SCARB1: variants seen among roughly 807,000 people sequenced by gnomAD.
SCARB1 encodes scavenger receptor class B member 1, also known as CD36 and LIMPII analogous 1.
A neutral mutation model predicts 57.2 loss-of-function variants in SCARB1; 30 were observed. The ratio of observed to expected loss-of-function variants is 0.52; its 90% CI spans 0.39 to 0.71. The LOEUF (loss-of-function observed/expected upper bound fraction) is 0.71. Ranked by LOEUF, SCARB1 falls within the 30% of genes least tolerant of loss-of-function variation. The pLI, the probability that SCARB1 is intolerant of heterozygous loss-of-function variation, is 0.00. For missense variants in SCARB1, 543 were observed against 671.2 expected (o/e 0.81, Z 2.11); for synonymous variants, 249 against 268.3 (o/e 0.93, Z 0.70).
In SCARB1 at chr12:124,807,385, GAGCCAAGAAACACAGAGGGGCCTCTGGA is replaced by G. The variant is rs1950358344; in HGVS notation, c.1009+348_1009+375del. Among the ~76,000 whole-genome samples the G allele has an allele frequency of 6.6e-6, 1 of 152,086 alleles. No homozygotes were observed. Among genetic ancestry groups the G allele is most frequent in the South Asian group, 2.1e-4 (1 of 4,820 alleles). The stretch of plus-strand genomic sequence containing the variant: ...CCTCAAAGGTGGAGGAAGGGCCCGG[GAGCCAAGAAACACAGAGGGGCCTCTGGA>G]AGCCAGAAAAGGCAGACGCAGCTTC... On this transcript the variant is annotated intron_variant, in intron 7 of 12. Transcript: ENST00000261693. This position sits in a 1 kb window ranked among gnomAD's most constrained non-coding sequence, Gnocchi z 5.3.
intron 8 of SCARB1, among the ~76,000 whole-genome samples, chr12:124,798,792 C>T (rs1305745307): frequency 6.6e-6 from 1 of 150,520 alleles, no homozygotes; most frequent in Non-Finnish European, 1.5e-5. Context: ...TGCAGTGAGC[C>T]GAGATCGTGC....
intron 2 of SCARB1, among the ~76,000 whole-genome samples, 198 bp from the exon 3 acceptor site, chr12:124,815,312 C>T (rs1459633942): frequency 6.6e-6 from 1 of 152,204 alleles, no homozygotes; most frequent in Non-Finnish European, 1.5e-5. Flanking sequence ...CATGGTGTCG[C>T]CGCCCACCCG....
chr12:124,857,337 T>A (rs1488287827), intron 1 of SCARB1, among the ~76,000 whole-genome samples: 1 of 152,104 alleles, frequency 6.6e-6, no homozygotes, highest in Non-Finnish European at 1.5e-5. Context: ...CCACAACGAG[T>A]GCCCATTGAC....
chr12:124,782,856 TAAAA>T (rs1949368779), intron 11 of SCARB1, 45 bp from the exon 12 acceptor site: 2 of 1,610,246 alleles, frequency 1.2e-6, no homozygotes, highest in African/African-American at 2.7e-5. Context: ...TGAAGCCACA[TAAAA>T]ATGGTTTTAC....
intron 1 of SCARB1, among the ~76,000 whole-genome samples, chr12:124,819,920 C>G (rs538267388): frequency 6.6e-6 from 1 of 152,354 alleles, no homozygotes; most frequent in African/African-American, 2.4e-5. Context: ...GACACTGTAG[C>G]TACAACTGTG....
intron 1 of SCARB1, among the ~76,000 whole-genome samples, chr12:124,863,113 G>T (rs1952968971): frequency 6.6e-6 from 1 of 152,210 alleles, no homozygotes; most frequent in African/African-American, 2.4e-5. Flanking sequence ...GGGCACCCAC[G>T]TGGGTCTCAC....
At chr12:124,781,682 G>A (rs1008784555) in intron 12 of SCARB1, among the ~76,000 whole-genome samples, 19 of 152,250 alleles carry the variant, frequency 1.2e-4, no homozygotes, top group African/African-American at 3.6e-4. Flanking sequence ...GGATACGTGC[G>A]TCCTATCATT....
At chr12:124,846,912 A>C (rs1404279259) in intron 1 of SCARB1, among the ~76,000 whole-genome samples, 1 of 152,072 alleles carries the variant, frequency 6.6e-6, no homozygotes, top group East Asian at 1.9e-4. Context: ...ACCAAACAAA[A>C]ATACTGAGAG....
chr12:124,804,593 AAAG>A (rs1470181868), intron 7 of SCARB1, among the ~76,000 whole-genome samples: 2 of 152,218 alleles, frequency 1.3e-5, no homozygotes, highest in Admixed American at 1.3e-4. Flanking sequence ...CGATACCAGC[AAAG>A]AATGAAGCAA....
intron 12 of SCARB1, 92 bp from the exon 13 acceptor site, chr12:124,778,678 C>G (rs1376520172): frequency 4.0e-6 from 5 of 1,234,958 alleles, no homozygotes; most frequent in Admixed American, 4.2e-5. Flanking sequence ...ACCCACATCC[C>G]CAGCAGAGAC....
At position 124,796,995 on chromosome 12, in the gene SCARB1, G is replaced by A. The variant is rs959891553; in HGVS notation, c.1129-1727C>T. Reference sequence around the variant, plus strand: ...GTACAAACAATATGGTTCTTGCTCAGCACCTGCTTTCCTTCCCAGAGCCTA... The same window carrying A: ...GTACAAACAATATGGTTCTTGCTCAACACCTGCTTTCCTTCCCAGAGCCTA... On this transcript the variant is annotated intron_variant, in intron 8 of 12. Transcript: ENST00000261693. The surrounding 1 kb of genome is among the most constrained non-coding windows in gnomAD (Gnocchi z 4.0). Among the ~76,000 whole-genome samples, 50 of 152,192 alleles carry A rather than the reference G, an allele frequency of 3.3e-4. No individual in the cohort carries two copies. Among genetic ancestry groups the A allele is most frequent in the African/African-American group, 1.2e-3 (49 of 41,456 alleles).
chr12:124,800,327 G>A lies in SCARB1; in HGVS notation c.1010-85C>T, dbSNP rs1427654256. 1 of 985,166 alleles carries A rather than the reference G, an allele frequency of 1.0e-6. No homozygotes were observed. Among genetic ancestry groups the A allele is most frequent in the Non-Finnish European group, 1.6e-6 (1 of 624,334 alleles). The allele number at this position is 985,166 out of a possible 1,614,324, so 61.0% of individuals were successfully genotyped here. On this transcript the variant is annotated intron_variant, in intron 7 of 12. Transcript: ENST00000261693. This position sits in a 1 kb window ranked among gnomAD's most constrained non-coding sequence, Gnocchi z 4.8. ...GGCCGGAGGTCTGCACAGAGCTGTG[G>A]TCTGCAGGGCACCCCCGTGGCGATG...
At chr12:124,832,272 C>T (rs1314224708) in intron 1 of SCARB1, among the ~76,000 whole-genome samples, 1 of 152,188 alleles carries the variant, frequency 6.6e-6, no homozygotes, top group African/African-American at 2.4e-5. Context: ...GGAATCCTAG[C>T]ACTTTGGGAG....
rs762205480 is a variant in SCARB1, at chr12:124,817,689, T to C, written c.145A>G (p.Ser49Gly). 1.2e-6 allele frequency: 2 copies of C among 1,614,150 alleles called. No individual in the cohort carries two copies. The highest frequency in any genetic ancestry group is 1.7e-6 in the Non-Finnish European group (2 of 1,180,016). The change falls in exon 2 of 13, where the codon AGT (serine) becomes GGT (glycine). Residue 49 changes from serine to glycine, a missense_variant. Transcript: ENST00000261693. This position sits in a 1 kb window ranked among gnomAD's most constrained non-coding sequence, Gnocchi z 4.8. ...TTCCACATGTTGAAGGACAGGCTAC[T>C]GGGGTCGATGCGCACGTTCTGCAGG... ...QVLKNVRIDP[S>G]SLSFNMWKEI...
intron 7 of SCARB1, among the ~76,000 whole-genome samples, chr12:124,803,925 G>T (rs1950234966): frequency 6.6e-6 from 1 of 152,134 alleles, no homozygotes; most frequent in African/African-American, 2.4e-5. Flanking sequence ...TTTAAATAAA[G>T]ATTTTAAAAT....
chr12:124,818,910 C>T (rs1950838863), intron 1 of SCARB1, among the ~76,000 whole-genome samples: 1 of 152,110 alleles, frequency 6.6e-6, no homozygotes, highest in East Asian at 1.9e-4. Flanking sequence ...CTGCCTTGGC[C>T]TCCCAAAGTG....
chr12:124,792,721 CAAAAAAAAA>C (rs930596389), intron 9 of SCARB1, among the ~76,000 whole-genome samples: 1 of 31,726 alleles, frequency 3.2e-5, no homozygotes, highest in African/African-American at 1.0e-4. Context: ...GACTTCGTCT[CAAAAAAAAA>C]AAAAAAAAAA....
intron 1 of SCARB1, among the ~76,000 whole-genome samples, chr12:124,825,356 G>A (rs1196204426): frequency 6.6e-6 from 1 of 151,560 alleles, no homozygotes; most frequent in East Asian, 1.9e-4. Flanking sequence ...GAAAGCGCCA[G>A]AAGAATTGTC....
chr12:124,829,110 TA>T (rs1438421852), intron 1 of SCARB1, among the ~76,000 whole-genome samples: 1 of 152,216 alleles, frequency 6.6e-6, no homozygotes, highest in African/African-American at 2.4e-5. Context: ...GTAAGAAGAC[TA>T]AAATAAAAGG....
Sources: gnomAD v4.1 joint callset for allele counts (sites outside exome capture counted in the v4.1 genomes callset) on GRCh38, gnomAD v4.1.1 for gene constraint, Gnocchi (gnomAD v3.1) non-coding constraint, MANE v1.5 for transcripts, NCBI Gene and HGNC (gene_info 2026-07-23, HGNC 2026-07-21) for gene names.